The following PTPRK variants were observed in gnomAD, a reference collection of about 807,000 sequenced individuals.
PTPRK encodes receptor-type tyrosine-protein phosphatase kappa.
A neutral mutation model predicts 178.0 loss-of-function variants in PTPRK; 75 were observed. The observed-to-expected ratio is 0.42, with a 90% CI of 0.35 to 0.51. PTPRK has a LOEUF of 0.51. Ranked by LOEUF, PTPRK falls within the 20% of genes least tolerant of loss-of-function variation. PTPRK has a pLI of 0.02. For missense variants in PTPRK, 1,441 were observed against 1,797.8 expected (o/e 0.80, Z 3.59); for synonymous variants, 637 against 620.6 (o/e 1.03, Z -0.39).
chr6:128,466,701 T>C (rs1375021862), intron 1 of PTPRK, among the ~76,000 whole-genome samples: 2 of 152,170 alleles, frequency 1.3e-5, no homozygotes, highest in Non-Finnish European at 2.9e-5. Flanking sequence ...GCACACAATA[T>C]ACAATATGGC....
chr6:128,193,380 T>C (rs1451444501), intron 6 of PTPRK, among the ~76,000 whole-genome samples: 8 of 152,026 alleles, frequency 5.3e-5, no homozygotes, highest in Admixed American at 5.2e-4. Context: ...TTTAAGTATT[T>C]TCCATGTGAA....
At chr6:128,193,279 T>TAAAAAAA (rs1554338433) in intron 6 of PTPRK, among the ~76,000 whole-genome samples, 1 of 19,408 alleles carries the variant, frequency 5.2e-5, no homozygotes, top group Non-Finnish European at 1.1e-4. Context: ...ATCCAGCTTG[T>TAAAAAAA]GAAAAAAAAA....
chr6:128,125,602 C>CTT lies in PTPRK; in HGVS notation c.1163-35612_1163-35611dup, dbSNP rs869038931. Among the ~76,000 whole-genome samples, 257 of 68,394 alleles carry CTT rather than the reference C, an allele frequency of 3.8e-3. 39 individuals carry two copies. Among genetic ancestry groups the CTT allele is most frequent in the African/African-American group, 0.014 (230 of 16,458 alleles). 44.9% of individuals were successfully genotyped at this position (68,394 alleles called of 152,430 possible). A position where few individuals can be genotyped will look rare whatever the true frequency, so the allele number is the denominator to read the frequency against. On this transcript the variant is annotated intron_variant, in intron 7 of 29. Coordinates refer to ENST00000368226, the MANE Select transcript of PTPRK (RefSeq NM_002844.4). ...CTAATACACTTGCCTTTGGGCTTTT[C>CTT]TTTTTTTTTTTTTTTTTTTTTTTTT...
chr6:128,320,581 T>C (rs923067268), intron 3 of PTPRK, among the ~76,000 whole-genome samples: 4 of 152,066 alleles, frequency 2.6e-5, no homozygotes, highest in South Asian at 2.1e-4. Context: ...TTAATTTTTA[T>C]TGGGGGTTTT....
At chr6:128,317,024 C>A (rs926670229) in intron 3 of PTPRK, among the ~76,000 whole-genome samples, 1 of 152,094 alleles carries the variant, frequency 6.6e-6, no homozygotes, top group Non-Finnish European at 1.5e-5. Flanking sequence ...AATAGCCTAT[C>A]AAATAAAAGG....
At chr6:128,294,675 A>G (rs1262467011) in intron 3 of PTPRK, among the ~76,000 whole-genome samples, 1 of 152,082 alleles carries the variant, frequency 6.6e-6, no homozygotes, top group Non-Finnish European at 1.5e-5. Flanking sequence ...TTAAAAATAT[A>G]TCTGCAGTAA....
chr6:128,509,318 G>C (rs1281000717), intron 1 of PTPRK, among the ~76,000 whole-genome samples: 1 of 152,118 alleles, frequency 6.6e-6, no homozygotes, highest in African/African-American at 2.4e-5. Flanking sequence ...ACATATATGT[G>C]AAAAAAGTTG....
At chr6:128,006,391 T>C (rs1251282435) in intron 14 of PTPRK, among the ~76,000 whole-genome samples, 1 of 151,050 alleles carries the variant, frequency 6.6e-6, no homozygotes, top group African/African-American at 2.4e-5. Context: ...ATCCATTATC[T>C]AAATATGACA....
intron 2 of PTPRK, among the ~76,000 whole-genome samples, chr6:128,349,310 T>C (rs923087470): frequency 2.6e-5 from 4 of 152,142 alleles, no homozygotes; most frequent in African/African-American, 7.2e-5. Context: ...AAATATTCCC[T>C]AGTAGATTTT....
chr6:128,291,591 A>T (rs1031378555), intron 3 of PTPRK, among the ~76,000 whole-genome samples: 2 of 152,146 alleles, frequency 1.3e-5, no homozygotes, highest in African/African-American at 4.8e-5. Flanking sequence ...ATACCCATTG[A>T]TACCAAATAA....
intron 1 of PTPRK, among the ~76,000 whole-genome samples, chr6:128,451,496 G>GA (rs1309206913): frequency 1.3e-5 from 2 of 152,008 alleles, no homozygotes; most frequent in East Asian, 3.9e-4. Context: ...TGTGGGGTGA[G>GA]TTTTTTTAAT....
chr6:128,007,937 T>G (rs1361755781), intron 14 of PTPRK: 2 of 690,580 alleles, frequency 2.9e-6, no homozygotes, highest in Non-Finnish European at 4.5e-6. Context: ...AACTTTTGCC[T>G]CACATATGAT....
chr6:128,123,050 C>T (rs915550783), intron 7 of PTPRK, among the ~76,000 whole-genome samples: 1 of 152,106 alleles, frequency 6.6e-6, no homozygotes, highest in Admixed American at 6.5e-5. Context: ...ATCTTAAGAT[C>T]ATATTAGATT....
At chr6:128,078,205 T>C (rs1223428599) in intron 11 of PTPRK, among the ~76,000 whole-genome samples, 1 of 151,938 alleles carries the variant, frequency 6.6e-6, no homozygotes, top group Non-Finnish European at 1.5e-5. Context: ...GAGAGGTGAA[T>C]GGTTCAGTGC....
intron 3 of PTPRK, among the ~76,000 whole-genome samples, chr6:128,259,794 T>C (rs886498892): frequency 1.3e-5 from 2 of 152,206 alleles, no homozygotes; most frequent in Non-Finnish European, 2.9e-5. Context: ...GTTGAAGATA[T>C]AACTTAAAAC....
At chr6:127,987,492 G>C (rs997979101) in intron 21 of PTPRK, among the ~76,000 whole-genome samples, 1 of 151,874 alleles carries the variant, frequency 6.6e-6, no homozygotes, top group African/African-American at 2.4e-5. Context: ...TATTTTTAAA[G>C]ATTATTTAGT....
At chr6:128,509,965 G>A (rs1356179332) in intron 1 of PTPRK, among the ~76,000 whole-genome samples, 1 of 152,162 alleles carries the variant, frequency 6.6e-6, no homozygotes, top group East Asian at 1.9e-4. Flanking sequence ...CAACTGACCA[G>A]GTGGTTAGGG....
At chr6:128,169,770 T>C (rs958640190) in intron 7 of PTPRK, among the ~76,000 whole-genome samples, 1 of 136,654 alleles carries the variant, frequency 7.3e-6, no homozygotes, top group Non-Finnish European at 1.5e-5. Context: ...CACTTAAATA[T>C]GTTATTTTTT....
rs1312638950 is a variant in PTPRK, at chr6:128,421,097, T to A, written c.101-23409A>T. 1.3e-5 allele frequency among the ~76,000 whole-genome samples: 2 copies of A among 152,240 alleles called. 1 individual carries two copies. The highest frequency in any genetic ancestry group is 1.3e-4 in the Admixed American group (2 of 15,286). On this transcript the variant is annotated intron_variant, in intron 1 of 29. Coordinates refer to ENST00000368226, the MANE Select transcript of PTPRK (RefSeq NM_002844.4). ...TCCATATTGTTGTTTAAAATCAACATTGATCAAATCTGACAGATATATTTT... is the reference window on the plus strand; with the variant it reads ...TCCATATTGTTGTTTAAAATCAACAATGATCAAATCTGACAGATATATTTT...
Sources: allele counts gnomAD v4.1 joint callset (sites outside exome capture counted in the v4.1 genomes callset), GRCh38; gene constraint gnomAD v4.1.1; transcripts MANE v1.5; gene names NCBI Gene and HGNC (gene_info 2026-07-23, HGNC 2026-07-21).